UTY: variants seen among roughly 807,000 people sequenced by gnomAD.
UTY encodes the protein ubiquitously transcribed tetratricopeptide repeat containing, Y-linked.
Under a neutral mutation model 32.5 loss-of-function variants are expected in UTY, and 12 were observed. The observed-to-expected ratio is 0.37, with a 90% confidence interval of 0.24 to 0.60. The LOEUF (loss-of-function observed/expected upper bound fraction) is 0.60. Ranked by LOEUF, UTY falls within the 20% of genes least tolerant of loss-of-function variation. The probability of loss-of-function intolerance (pLI) is 0.69; values close to 1 mark genes in which losing one functional copy is unlikely to be tolerated. For synonymous variants in UTY, 131 were observed against 103.4 expected (o/e 1.27, Z -1.62); for missense variants, 303 against 299.2 (o/e 1.01, Z -0.09).
At chrY:13,315,329 CAG>C (rs2059425620) in intron 21 of UTY, among the ~76,000 whole-genome samples, 1 of 34,341 alleles carries the variant, frequency 2.9e-5, no homozygotes, top group Non-Finnish European at 7.3e-5. Context: ...AAAGAGATGA[CAG>C]GGCGCAGTGG....
intron 28 of UTY, among the ~76,000 whole-genome samples, chrY:13,242,417 C>T (rs750089352): frequency 3.0e-4 from 10 of 33,247 alleles, no homozygotes; most frequent in Admixed American, 5.5e-4. Context: ...TTGAACATAC[C>T]GCCCCAAACC....
chrY:13,348,774 G>A (rs2062133929), intron 17 of UTY, among the ~76,000 whole-genome samples: 1 of 33,918 alleles, frequency 2.9e-5, no homozygotes, highest in Non-Finnish European at 7.3e-5. Flanking sequence ...TGTATAAACT[G>A]TCTATAATAT....
chrY:13,435,814 C>T, intron 4 of UTY, among the ~76,000 whole-genome samples: 1 of 33,555 alleles, frequency 3.0e-5, no homozygotes, highest in Non-Finnish European at 7.4e-5. Context: ...GGTTCTCCCA[C>T]ATCCCAAGGC....
At chrY:13,448,267 T>C in intron 4 of UTY, among the ~76,000 whole-genome samples, 1 of 34,030 alleles carries the variant, frequency 2.9e-5, no homozygotes, top group South Asian at 6.3e-4. Flanking sequence ...ATGTTTATTT[T>C]TGAACAAATG....
chrY:13,422,947 T>G, intron 4 of UTY, among the ~76,000 whole-genome samples: 1 of 33,748 alleles, frequency 3.0e-5, no homozygotes, highest in Admixed American at 2.7e-4. Context: ...TGGAAAAATA[T>G]GCACATAGAG....
At chrY:13,365,225 A>T in intron 10 of UTY, among the ~76,000 whole-genome samples, 2 of 32,327 alleles carry the variant, frequency 6.2e-5, no homozygotes, top group Non-Finnish European at 7.5e-5. Context: ...GATTAAGAAA[A>T]TGTGATGGTG....
chrY:13,436,425 A>G, intron 4 of UTY, among the ~76,000 whole-genome samples: 1 of 32,909 alleles, frequency 3.0e-5, no homozygotes, highest in African/African-American at 1.2e-4. Flanking sequence ...CAGTCTAGGT[A>G]TTGTGGCAGA....
intron 4 of UTY, among the ~76,000 whole-genome samples, chrY:13,416,935 T>A: frequency 3.0e-5 from 1 of 33,888 alleles, no homozygotes; most frequent in Admixed American, 2.7e-4. Flanking sequence ...TCAGAAAAGA[T>A]GTTGCTGGTA....
At chrY:13,244,484 T>G, downstream of UTY, among the ~76,000 whole-genome samples, 1 of 33,171 alleles carries the variant, frequency 3.0e-5, no homozygotes. Flanking sequence ...ACACATTCTA[T>G]ATATGTAACA....
chrY:13,468,167 C>T (rs2078086056), intron 3 of UTY, among the ~76,000 whole-genome samples: 1 of 31,496 alleles, frequency 3.2e-5, no homozygotes. Context: ...AGCTACTTGG[C>T]AGGCTGAGGC....
chrY:13,386,220 C>T, intron 8 of UTY, among the ~76,000 whole-genome samples: 1 of 22,956 alleles, frequency 4.4e-5, no homozygotes, highest in Admixed American at 3.9e-4. Flanking sequence ...CCTGCCTCAG[C>T]CTCCCAAGTA....
At chrY:13,410,889 TA>T in intron 6 of UTY, 103 bp downstream of exon 6, 1 of 307,025 alleles carries the variant, frequency 3.3e-6, no homozygotes, top group Non-Finnish European at 4.6e-6. Context: ...TTCATAGCAC[TA>T]AATTCCAACG....
At chrY:13,476,631 C>G (rs2079086910) in intron 2 of UTY, among the ~76,000 whole-genome samples, 1 of 33,810 alleles carries the variant, frequency 3.0e-5, no homozygotes, top group Non-Finnish European at 7.3e-5. Flanking sequence ...CTGTTTTTCA[C>G]TTAATTGAAC....
At position 13,320,153 on chromosome Y, in the gene UTY, G is replaced by A. The variant is rs753919872; in HGVS notation, c.3276+3402C>T. ...ATTGTCAAATATAAAATGGTGCTTG[G>A]CTTTCTTGGGGCTGCATTTGTTATG... On this transcript the variant is annotated intron_variant, in intron 21 of 29. Coordinates refer to ENST00000545955, the MANE Select transcript of UTY (RefSeq NM_001258249.2). 1.6e-3 allele frequency among the ~76,000 whole-genome samples: 52 copies of A among 32,977 alleles called. No individual in the cohort carries two copies. The South Asian group carries it at 0.029, about 18-fold the overall frequency. 88.5% of individuals were successfully genotyped at this position (32,977 alleles called of 37,273 possible). A position where few individuals can be genotyped will look rare whatever the true frequency, so the allele number is the denominator to read the frequency against.
intron 6 of UTY, among the ~76,000 whole-genome samples, chrY:13,406,074 A>G (rs537818931): frequency 0.087 from 2,866 of 33,052 alleles, no homozygotes; most frequent in East Asian, 0.061. Context: ...TCTGATCTAC[A>G]TGTGTCTGCT....
chrY:13,386,301 C>T, intron 8 of UTY, among the ~76,000 whole-genome samples: 1 of 26,994 alleles, frequency 3.7e-5, no homozygotes, highest in African/African-American at 1.5e-4. Flanking sequence ...GGGGTTTCAC[C>T]GTTTTAGCCG....
At chrY:13,338,208 T>TA (rs2061246717) in intron 17 of UTY, among the ~76,000 whole-genome samples, 1 of 27,338 alleles carries the variant, frequency 3.7e-5, no homozygotes, top group African/African-American at 1.5e-4. Flanking sequence ...TTTTTTTTTT[T>TA]AGTAGAAACG....
At chrY:13,312,321 A>G in intron 21 of UTY, among the ~76,000 whole-genome samples, 1 of 31,135 alleles carries the variant, frequency 3.2e-5, no homozygotes, top group Non-Finnish European at 7.9e-5. Context: ...TGAACCCGGG[A>G]GGCGGAGCTT....
intron 6 of UTY, among the ~76,000 whole-genome samples, chrY:13,397,287 C>G (rs2068347224): frequency 3.0e-5 from 1 of 33,617 alleles, no homozygotes; most frequent in Non-Finnish European, 7.4e-5. Context: ...TAAAATTAGA[C>G]ATGCACTTCA....
Sources: allele counts gnomAD v4.1 joint callset (sites outside exome capture counted in the v4.1 genomes callset), GRCh38; gene constraint gnomAD v4.1.1; transcripts MANE v1.5; gene names NCBI Gene and HGNC (gene_info 2026-07-23, HGNC 2026-07-21).